CHST11: variants seen among roughly 807,000 people sequenced by gnomAD.
The protein encoded by CHST11 is carbohydrate sulfotransferase 11.
Under a neutral mutation model 30.4 loss-of-function variants are expected in CHST11, and 9 were observed. The observed-to-expected ratio is 0.30, with a 90% confidence interval of 0.18 to 0.52. The LOEUF (loss-of-function observed/expected upper bound fraction) is 0.52, where lower values mean the gene tolerates loss of function less well. Among genes scored for constraint, CHST11 ranks in the 20% least tolerant of loss-of-function variants. The probability of loss-of-function intolerance (pLI) is 0.97; values close to 1 mark genes in which losing one functional copy is unlikely to be tolerated. For synonymous variants in CHST11, 152 were observed against 187.8 expected, an observed-to-expected ratio of 0.81 and a Z score of 1.56; for missense variants, 348 against 460.6, an observed-to-expected ratio of 0.76 and a Z score of 2.24.
Position 104,626,680 on chromosome 12 carries a change from GT to G in CHST11, c.204+24695del, listed in dbSNP as rs574006051. On this transcript the variant is annotated intron_variant, in intron 2 of 2. Coordinates refer to ENST00000303694, the MANE Select transcript of CHST11 (RefSeq NM_018413.6). ...GAATGGCCTGTTTTCCATGTGATTT[GT>G]TTTTTAATAGACTTGATTTTTTTTT... Among the ~76,000 whole-genome samples the G allele has an allele frequency of 5.3e-5, 8 of 150,006 alleles. No homozygotes were observed. In the South Asian group the frequency reaches 1.7e-3, roughly 31 times the overall value.
At chr12:104,554,183 G>C (rs1412851295) in intron 1 of CHST11, among the ~76,000 whole-genome samples, 3 of 152,178 alleles carry the variant, frequency 2.0e-5, no homozygotes, top group Non-Finnish European at 4.4e-5. Flanking sequence ...AGTTAGGCTA[G>C]CTTATGCTCA....
intron 1 of CHST11, among the ~76,000 whole-genome samples, chr12:104,496,730 CTT>C (rs149898457): frequency 6.9e-6 from 1 of 145,670 alleles, no homozygotes; most frequent in Non-Finnish European, 1.5e-5. Context: ...ATCCTCAAAA[CTT>C]TTTTTTTTTT....
intron 2 of CHST11, among the ~76,000 whole-genome samples, chr12:104,751,290 C>T (rs1276767059): frequency 6.6e-6 from 1 of 152,188 alleles, no homozygotes; most frequent in East Asian, 1.9e-4. Flanking sequence ...CTCTGCTCAT[C>T]TTAGTAACTT....
chr12:104,599,273 G>C (rs1388521690), intron 1 of CHST11, among the ~76,000 whole-genome samples: 1 of 152,168 alleles, frequency 6.6e-6, no homozygotes, highest in Non-Finnish European at 1.5e-5. Context: ...CATTTTAAAG[G>C]CCTTGTATTA....
intron 2 of CHST11, among the ~76,000 whole-genome samples, chr12:104,748,437 A>C (rs2040405277): frequency 6.6e-6 from 1 of 151,930 alleles, no homozygotes; most frequent in South Asian, 2.1e-4. Flanking sequence ...GGACTGTTAA[A>C]TGGGGGATTG....
chr12:104,658,430 AC>A (rs2136086419), intron 2 of CHST11, among the ~76,000 whole-genome samples: 1 of 152,112 alleles, frequency 6.6e-6, no homozygotes, highest in East Asian at 1.9e-4. Context: ...TTGGGACCCC[AC>A]CCTAAGGACC....
intron 1 of CHST11, among the ~76,000 whole-genome samples, chr12:104,474,274 G>A (rs2037537140): frequency 6.6e-6 from 1 of 152,336 alleles, no homozygotes; most frequent in East Asian, 1.9e-4. Flanking sequence ...AAAAATGGAA[G>A]TGCAGGTTTG....
intron 1 of CHST11, among the ~76,000 whole-genome samples, chr12:104,540,299 T>G (rs1214994437): frequency 6.6e-6 from 1 of 152,232 alleles, no homozygotes; most frequent in East Asian, 1.9e-4. Flanking sequence ...AAAATTGATA[T>G]ATATTTAAAA....
chr12:104,582,984 C>T (rs2038761997), intron 1 of CHST11, among the ~76,000 whole-genome samples: 1 of 151,960 alleles, frequency 6.6e-6, no homozygotes, highest in South Asian at 2.1e-4. Context: ...TAGCTGTAAC[C>T]ATTTGCAGAC....
chr12:104,681,703 G>C (rs1271707430), intron 2 of CHST11, among the ~76,000 whole-genome samples: 2 of 152,012 alleles, frequency 1.3e-5, no homozygotes, highest in African/African-American at 4.8e-5. Flanking sequence ...AATAAAATTA[G>C]CCAGGTGTGG....
chr12:104,510,400 A>T (rs2037952657), intron 1 of CHST11, among the ~76,000 whole-genome samples: 1 of 152,236 alleles, frequency 6.6e-6, no homozygotes, highest in East Asian at 1.9e-4. Context: ...TTTATGCATG[A>T]TGAAGATAAG....
intron 2 of CHST11, among the ~76,000 whole-genome samples, chr12:104,653,058 T>G (rs2039508857): frequency 6.6e-6 from 1 of 152,178 alleles, no homozygotes; most frequent in Admixed American, 6.5e-5. Flanking sequence ...TCTGTAGAGC[T>G]CAGTACCTTC....
At chr12:104,601,606 T>C (rs2038957491) in intron 1 of CHST11, among the ~76,000 whole-genome samples, 1 of 152,246 alleles carries the variant, frequency 6.6e-6, no homozygotes, top group Non-Finnish European at 1.5e-5. Context: ...TTACGCCATC[T>C]TTTGTAAGTG....
intron 2 of CHST11, among the ~76,000 whole-genome samples, chr12:104,615,029 T>C (rs1183862396): frequency 3.3e-5 from 5 of 152,178 alleles, no homozygotes; most frequent in Admixed American, 3.3e-4. Context: ...TAGCTGATCC[T>C]CTGTTGTTCA....
intron 2 of CHST11, among the ~76,000 whole-genome samples, chr12:104,629,118 C>G (rs758797811): frequency 6.6e-6 from 1 of 152,224 alleles, no homozygotes; most frequent in Non-Finnish European, 1.5e-5. Flanking sequence ...AGCAAGTGCT[C>G]TAGAATCAGG....
At position 104,676,316 on chromosome 12, in the gene CHST11, C is replaced by T. The variant is rs983598328; in HGVS notation, c.204+74325C>T. ...AGAGGTTCCAGTGGAGAATCTGTCC[C>T]TTGCCTTTTTTAGCTATTAGATGCC... On this transcript the variant is annotated intron_variant, in intron 2 of 2. Transcript: ENST00000303694. The surrounding 1 kb of genome is among the most constrained non-coding windows in gnomAD (Gnocchi z 4.4). Among the ~76,000 whole-genome samples the T allele has an allele frequency of 1.3e-5, 2 of 152,178 alleles. No individual in the cohort carries two copies. The highest frequency in any genetic ancestry group is 2.9e-5 in the Non-Finnish European group (2 of 68,022).
At chr12:104,638,341 C>A (rs2039345699) in intron 2 of CHST11, among the ~76,000 whole-genome samples, 1 of 151,678 alleles carries the variant, frequency 6.6e-6, no homozygotes, top group South Asian at 2.1e-4. Context: ...TGAAGTTGTA[C>A]AATATGTTCT....
chr12:104,461,847 C>G (rs1485478517), intron 1 of CHST11, among the ~76,000 whole-genome samples: 3 of 151,906 alleles, frequency 2.0e-5, no homozygotes, highest in African/African-American at 7.3e-5. Context: ...GAATTGTAAA[C>G]ATAACATGTG....
rs1281322308 is a variant in CHST11 at position 104,458,935 on chromosome 12, G to GGGCTGCA, written c.118+1415_118+1421dup. On this transcript the variant is annotated intron_variant, in intron 1 of 2. Coordinates refer to ENST00000303694, the MANE Select transcript of CHST11 (RefSeq NM_018413.6). The surrounding 1 kb of genome is among the most constrained non-coding windows in gnomAD (Gnocchi z 5.7). ...AGCTGTTCTTTCCATCAAACAGGCA[G>GGGCTGCA]GGCTGCAGGCTGCAGATTCCTTGAC... 3.3e-5 allele frequency among the ~76,000 whole-genome samples: 5 copies of GGGCTGCA among 152,346 alleles called. No individual in the cohort carries two copies. In the Middle Eastern group the frequency reaches 0.01, roughly 311 times the overall value.
Sources: allele counts gnomAD v4.1 joint callset (sites outside exome capture counted in the v4.1 genomes callset), GRCh38; gene constraint gnomAD v4.1.1; non-coding constraint Gnocchi (gnomAD v3.1); transcripts MANE v1.5; gene names NCBI Gene and HGNC (gene_info 2026-07-23, HGNC 2026-07-21).